Variants in GOLT1A observed in about 807,000 individuals in gnomAD.
GOLT1A encodes the protein vesicle transport protein GOT1A.
GOLT1A carries 10 observed loss-of-function variants against 16.1 expected under a neutral mutation model. The observed-to-expected ratio is 0.62, with a 90% confidence interval of 0.38 to 1.05. GOLT1A has a LOEUF of 1.05. GOLT1A is among the 50% of genes least tolerant of loss of function. The pLI is 0.01. For synonymous variants in GOLT1A, 60 were observed against 67.9 expected (o/e 0.88, Z 0.57); for missense variants, 137 against 165.7 (o/e 0.83, Z 0.95).
chr1:204,212,257 C>T (rs150480923), intron 1 of GOLT1A, among the ~76,000 whole-genome samples: 56 of 152,284 alleles, frequency 3.7e-4, no homozygotes, highest in African/African-American at 1.1e-3. Context: ...AAATCCTCAA[C>T]GCTTTCCTCA....
intron 3 of GOLT1A, among the ~76,000 whole-genome samples, chr1:204,199,997 G>T (rs111232500): frequency 1.7e-3 from 263 of 152,174 alleles, no homozygotes; most frequent in African/African-American, 6.1e-3. Context: ...GCACTCTGAG[G>T]TCCCTGATAG....
rs1262151901 is a variant in GOLT1A at position 204,200,329 on chromosome 1, T to G, written c.297-1071A>C. Reference sequence around the variant, plus strand: ...TATATATATATATATATGTTTTTGTTTTTTTTTTTTTGAGAGAGAGAGTCT... The same window carrying G: ...TATATATATATATATATGTTTTTGTGTTTTTTTTTTTGAGAGAGAGAGTCT... On this transcript the variant is annotated intron_variant, in intron 3 of 4. Transcript: ENST00000308302. Among the ~76,000 whole-genome samples, 6 of 31,538 alleles carry G rather than the reference T, an allele frequency of 1.9e-4. 1 individual carries two copies. The highest frequency in any genetic ancestry group is 1.4e-3 in the African/African-American group (5 of 3,460). 20.7% of individuals were successfully genotyped at this position (31,538 alleles called of 152,430 possible).
chr1:204,200,785 G>A (rs1457848124), intron 3 of GOLT1A, among the ~76,000 whole-genome samples: 1 of 152,130 alleles, frequency 6.6e-6, no homozygotes, highest in African/African-American at 2.4e-5. Context: ...TGAGAACCTG[G>A]GGATTCCTGA....
chr1:204,209,090 C>T (rs1659101159), intron 1 of GOLT1A, among the ~76,000 whole-genome samples: 1 of 152,204 alleles, frequency 6.6e-6, no homozygotes, highest in Non-Finnish European at 1.5e-5. Flanking sequence ...TTGGCATGAC[C>T]TTGACACTTT....
At chr1:204,207,274 C>T (rs143216366) in intron 1 of GOLT1A, among the ~76,000 whole-genome samples, 2,219 of 152,334 alleles carry the variant, frequency 0.015, 20 homozygotes, top group Middle Eastern at 0.027. Context: ...CTGCTGGAGG[C>T]GGCCAGGGCT....
chr1:204,204,545 T>C (rs1006011754), intron 1 of GOLT1A, among the ~76,000 whole-genome samples: 2 of 152,250 alleles, frequency 1.3e-5, no homozygotes, highest in Non-Finnish European at 2.9e-5. Flanking sequence ...GATCCATTCA[T>C]CTGTTGATGG....
At chr1:204,204,295 T>C (rs541025190) in intron 1 of GOLT1A, among the ~76,000 whole-genome samples, 16 of 152,310 alleles carry the variant, frequency 1.1e-4, no homozygotes, top group Admixed American at 1.0e-3. Flanking sequence ...CATTAAACAG[T>C]AGCTCCCCAT....
At chr1:204,210,497 A>G (rs1659122104) in intron 1 of GOLT1A, among the ~76,000 whole-genome samples, 1 of 152,204 alleles carries the variant, frequency 6.6e-6, no homozygotes, top group Non-Finnish European at 1.5e-5. Flanking sequence ...ATCATAGCTC[A>G]CTGCAGCCTT....
In GOLT1A at chr1:204,209,148, G is replaced by C. The variant is rs369353953; in HGVS notation, c.25+4734C>G. 6.6e-5 allele frequency among the ~76,000 whole-genome samples: 10 copies of C among 152,334 alleles called. No homozygotes were observed. The East Asian group carries it at 1.3e-3, about 21-fold the overall frequency. ...TGTAGCCATCCCTCCATTTGGGTTT[G>C]TCGGATGTTTCCTCACGACTAGCTT... is the stretch of plus-strand genomic sequence containing the variant. On this transcript the variant is annotated intron_variant, in intron 1 of 4. Coordinates refer to ENST00000308302, the MANE Select transcript of GOLT1A (RefSeq NM_198447.2).
chr1:204,213,741 C>G, intron 1 of GOLT1A, 141 bp downstream of exon 1: 5 of 914,362 alleles, frequency 5.5e-6, no homozygotes, highest in Non-Finnish European at 8.2e-6. Flanking sequence ...GCCTGCTGCC[C>G]CAGGGTGCCA....
At chr1:204,212,498 G>A (rs910940458) in intron 1 of GOLT1A, among the ~76,000 whole-genome samples, 2 of 152,170 alleles carry the variant, frequency 1.3e-5, no homozygotes, top group African/African-American at 4.8e-5. Context: ...TTAGCCAGGT[G>A]TGGTGGTGGG....
At position 204,200,327 on chromosome 1, in the gene GOLT1A, G is replaced by GT. The variant is rs538218770; in HGVS notation, c.297-1070dup. On this transcript the variant is annotated intron_variant, in intron 3 of 4. Transcript: ENST00000308302. ...TATATATATATATATATATGTTTTT[G>GT]TTTTTTTTTTTTTGAGAGAGAGAGT... Among the ~76,000 whole-genome samples the GT allele has an allele frequency of 7.2e-3, 432 of 60,326 alleles. 2 individuals are homozygous for GT. Among genetic ancestry groups the GT allele is most frequent in the Middle Eastern group, 0.025 (3 of 118 alleles). 39.6% of individuals were successfully genotyped at this position (60,326 alleles called of 152,430 possible). A position where few individuals can be genotyped will look rare whatever the true frequency, so the allele number is the denominator to read the frequency against.
intron 1 of GOLT1A, among the ~76,000 whole-genome samples, chr1:204,212,289 C>T (rs918242801): frequency 3.9e-5 from 6 of 152,198 alleles, no homozygotes; most frequent in African/African-American, 7.2e-5. Context: ...GCATGGACCA[C>T]GCCCCGCTAA....
At chr1:204,213,340 TA>T (rs1204307465) in intron 1 of GOLT1A, among the ~76,000 whole-genome samples, 1 of 152,206 alleles carries the variant, frequency 6.6e-6, no homozygotes, top group Non-Finnish European at 1.5e-5. Flanking sequence ...TCAGAGGCTT[TA>T]AGTAACTCAC....
chr1:204,207,425 T>C (rs577140072), intron 1 of GOLT1A, among the ~76,000 whole-genome samples: 9 of 152,302 alleles, frequency 5.9e-5, no homozygotes, highest in Admixed American at 2.0e-4. Flanking sequence ...GGTACACTGA[T>C]GGCTGCACTG....
intron 1 of GOLT1A, among the ~76,000 whole-genome samples, chr1:204,210,646 C>T (rs1437756923): frequency 6.6e-6 from 1 of 152,100 alleles, no homozygotes; most frequent in Non-Finnish European, 1.5e-5. Context: ...TTGCAATGTG[C>T]TCAGGCTGGT....
At chr1:204,206,007 T>C (rs1479626376) in intron 1 of GOLT1A, among the ~76,000 whole-genome samples, 7 of 151,882 alleles carry the variant, frequency 4.6e-5, no homozygotes, top group Admixed American at 3.3e-4. Context: ...GAGGTGGAGG[T>C]TGCAGTGAGC....
intron 1 of GOLT1A, among the ~76,000 whole-genome samples, chr1:204,204,283 C>T (rs559221378): frequency 2.4e-4 from 36 of 152,308 alleles, no homozygotes; most frequent in African/African-American, 8.4e-4. Flanking sequence ...AAACTCTACA[C>T]CCATTAAACA....
chr1:204,199,923 T>A (rs575179033), intron 3 of GOLT1A, among the ~76,000 whole-genome samples: 2 of 152,240 alleles, frequency 1.3e-5, no homozygotes, highest in East Asian at 1.9e-4. Context: ...GAAGGGAGAT[T>A]TGAAATATGG....
Sources: gnomAD v4.1 joint callset for allele counts (sites outside exome capture counted in the v4.1 genomes callset) on GRCh38, gnomAD v4.1.1 for gene constraint, MANE v1.5 for transcripts, NCBI Gene and HGNC (gene_info 2026-07-23, HGNC 2026-07-21) for gene names.